The following CDK8 variants were observed in gnomAD, a reference collection of about 807,000 sequenced individuals.
CDK8 encodes the protein cyclin dependent kinase 8, also known as cyclin-dependent kinase 8.
In CDK8, 29 loss-of-function variants were observed where a neutral mutation model predicts 71.5. The observed-to-expected ratio is 0.41, with a 90% CI of 0.30 to 0.55. CDK8 has a LOEUF of 0.55. Among genes scored for constraint, CDK8 ranks in the 20% least tolerant of loss-of-function variants. The pLI is 0.37. For missense variants in CDK8, 288 were observed against 572.6 expected (o/e 0.50, Z 5.07); for synonymous variants, 161 against 192.1 (o/e 0.84, Z 1.34).
intron 1 of CDK8, among the ~76,000 whole-genome samples, chr13:26,282,120 A>G (rs1475047874): frequency 6.6e-6 from 1 of 152,146 alleles, no homozygotes; most frequent in Non-Finnish European, 1.5e-5. Context: ...AAGATGAGAA[A>G]TATAAAAGTT....
chr13:26,357,864 T>G (rs182750572), intron 4 of CDK8, among the ~76,000 whole-genome samples: 12 of 152,352 alleles, frequency 7.9e-5, no homozygotes, highest in Admixed American at 3.3e-4. Flanking sequence ...GGCATATCCA[T>G]GTTAAGGATA....
Position 26,327,266 on chromosome 13 carries a change from T to A in CDK8, c.129-10301T>A, listed in dbSNP as rs142691276. ...TAAATTAATTTATCAATAAGAATTTTTATAATTTTGAATTAAATAACATTG... is the reference window on the plus strand; with the variant it reads ...TAAATTAATTTATCAATAAGAATTTATATAATTTTGAATTAAATAACATTG... On this transcript the variant is annotated intron_variant, in intron 1 of 12. Transcript: ENST00000381527. Among the ~76,000 whole-genome samples the A allele has an allele frequency of 2.1e-3, 320 of 152,334 alleles. 15 individuals carry two copies. The East Asian group carries it at 0.056, about 26-fold the overall frequency.
intron 2 of CDK8, among the ~76,000 whole-genome samples, chr13:26,347,418 C>T (rs1359920634): frequency 6.6e-6 from 1 of 152,028 alleles, no homozygotes; most frequent in East Asian, 1.9e-4. Flanking sequence ...TGCAAATATT[C>T]TTTGATATTT....
chr13:26,317,289 A>G (rs1199645208), intron 1 of CDK8, among the ~76,000 whole-genome samples: 1 of 152,212 alleles, frequency 6.6e-6, no homozygotes, highest in African/African-American at 2.4e-5. Flanking sequence ...ATAAGCATTT[A>G]TGTACCTAAT....
chr13:26,350,847 T>C (rs1380534362), intron 3 of CDK8, among the ~76,000 whole-genome samples: 1 of 152,180 alleles, frequency 6.6e-6, no homozygotes. Context: ...AACACCAGCC[T>C]CAGTATTTTG....
At chr13:26,382,610 ACTGCCATAT>A (rs1199334936) in intron 4 of CDK8, among the ~76,000 whole-genome samples, 195 bp from the exon 5 acceptor site, 1 of 152,208 alleles carries the variant, frequency 6.6e-6, no homozygotes, top group Non-Finnish European at 1.5e-5. Context: ...GGAGAAAAGC[ACTGCCATAT>A]CTGGGCCTTC....
chr13:26,290,944 G>T (rs1313284073), intron 1 of CDK8, among the ~76,000 whole-genome samples: 1 of 151,682 alleles, frequency 6.6e-6, no homozygotes, highest in African/African-American at 2.4e-5. Flanking sequence ...GTGAAACCCT[G>T]TCTGTACTAA....
intron 4 of CDK8, among the ~76,000 whole-genome samples, chr13:26,376,275 C>T (rs1212218104): frequency 6.6e-6 from 1 of 151,956 alleles, no homozygotes; most frequent in African/African-American, 2.4e-5. Flanking sequence ...TAAAAGTTTT[C>T]GATACTGTCT....
In CDK8 at chr13:26,368,053, AT is replaced by A. The variant is rs1874473867; in HGVS notation, c.456+14176del. 2.6e-5 allele frequency among the ~76,000 whole-genome samples: 4 copies of A among 152,182 alleles called. No individual in the cohort carries two copies. In the South Asian group the frequency reaches 8.3e-4, roughly 32 times the overall value. On this transcript the variant is annotated intron_variant, in intron 4 of 12. Transcript: ENST00000381527. ...AGAATTTTCTGCTGCTGGGAAATGG[AT>A]TTGGATTGCCCAGATGGTCATTGGG...
chr13:26,349,584 A>T (rs1873602329), intron 3 of CDK8, among the ~76,000 whole-genome samples: 1 of 152,220 alleles, frequency 6.6e-6, no homozygotes, highest in African/African-American at 2.4e-5. Flanking sequence ...AGGAGGACGA[A>T]TATGCTATCT....
intron 4 of CDK8, chr13:26,359,587 C>G (rs1452580079): frequency 5.5e-6 from 1 of 180,464 alleles, no homozygotes; most frequent in Non-Finnish European, 1.2e-5. Context: ...AGTGGTCCTC[C>G]TTTCTAGATA....
At chr13:26,387,037 A>G (rs909560906) in intron 6 of CDK8, among the ~76,000 whole-genome samples, 2 of 152,128 alleles carry the variant, frequency 1.3e-5, no homozygotes, top group Non-Finnish European at 2.9e-5. Context: ...GTGTCGTCAG[A>G]TGTTAAATTT....
chr13:26,389,325 A>G (rs1242934524), intron 6 of CDK8, among the ~76,000 whole-genome samples: 3 of 151,950 alleles, frequency 2.0e-5, no homozygotes, highest in African/African-American at 7.3e-5. Flanking sequence ...ACACCCAGCT[A>G]ATTTTTTTAT....
rs149688638 is a variant in CDK8, at chr13:26,400,194, A to T, written c.934-259A>T. On this transcript the variant is annotated intron_variant, in intron 9 of 12. Coordinates refer to ENST00000381527, the MANE Select transcript of CDK8 (RefSeq NM_001260.3). Reference sequence around the variant, plus strand: ...TTCTAAATTGGATAAAGCCATTTAGATAATGGGGGTGGGGATCCATTTGTT... The same window carrying T: ...TTCTAAATTGGATAAAGCCATTTAGTTAATGGGGGTGGGGATCCATTTGTT... The T allele has an allele frequency of 2.3e-5, 9 of 392,646 alleles. No individual in the cohort carries two copies. In the East Asian group the frequency reaches 3.7e-4, roughly 16 times the overall value. 24.3% of individuals were successfully genotyped at this position (392,646 alleles called of 1,614,324 possible). A position where few individuals can be genotyped will look rare whatever the true frequency, so the allele number is the denominator to read the frequency against.
chr13:26,255,149 G>A (rs149122887), intron 1 of CDK8, among the ~76,000 whole-genome samples: 48 of 151,384 alleles, frequency 3.2e-4, no homozygotes, highest in African/African-American at 1.2e-3. Flanking sequence ...TTCCTCACCC[G>A]CCTCTGGAGT....
intron 1 of CDK8, among the ~76,000 whole-genome samples, chr13:26,330,633 ATT>A (rs34189682): frequency 6.1e-5 from 9 of 148,712 alleles, no homozygotes; most frequent in Non-Finnish European, 6.0e-5. Context: ...ACGTGTTCAC[ATT>A]TTTTTTTTTA....
rs751804195 is a variant in CDK8, at chr13:26,373,267, G to A, written c.457-9547G>A. ...GGGTTTTTTTTACATATATTTGTTT[G>A]CATTTTCTAATGTCTGTCTTCCTTA... On this transcript the variant is annotated intron_variant, in intron 4 of 12. Transcript: ENST00000381527. 3.3e-5 allele frequency among the ~76,000 whole-genome samples: 5 copies of A among 151,750 alleles called. No homozygotes were observed. In the South Asian group the frequency reaches 1.0e-3, roughly 32 times the overall value.
chr13:26,299,593 T>A (rs529054286), intron 1 of CDK8, among the ~76,000 whole-genome samples: 8 of 152,330 alleles, frequency 5.3e-5, no homozygotes, highest in African/African-American at 1.9e-4. Flanking sequence ...CAAGCTCTGC[T>A]GAATGCAGTG....
intron 4 of CDK8, among the ~76,000 whole-genome samples, chr13:26,361,235 A>G (rs993096487): frequency 2.6e-5 from 4 of 152,136 alleles, no homozygotes; most frequent in Non-Finnish European, 4.4e-5. Context: ...GGCAATGCCT[A>G]CCTTCTTCTA....
Sources: allele counts gnomAD v4.1 joint callset (sites outside exome capture counted in the v4.1 genomes callset), GRCh38; gene constraint gnomAD v4.1.1; transcripts MANE v1.5; gene names NCBI Gene and HGNC (gene_info 2026-07-23, HGNC 2026-07-21).